Variants in POU1F1 observed in about 807,000 individuals in gnomAD.
POU1F1 encodes the protein POU class 1 homeobox 1, also known as pituitary-specific positive transcription factor 1.
In POU1F1, 23 loss-of-function variants were observed where a neutral mutation model predicts 32.3. That is an observed-to-expected ratio of 0.71 (90% confidence interval 0.51 to 1.01). The LOEUF (loss-of-function observed/expected upper bound fraction) is 1.01. POU1F1 is among the 50% of genes least tolerant of loss of function. POU1F1 has a pLI of 0.00. For missense variants in POU1F1, 323 were observed against 341.6 expected (o/e 0.95, Z 0.43); for synonymous variants, 120 against 115.6 (o/e 1.04, Z -0.25).
At position 87,265,352 on chromosome 3, in the gene POU1F1, G is replaced by A. The variant is rs1181365261; in HGVS notation, c.215-840C>T. ...GGTAAAGCATTGACTCTACTGAGTG[G>A]ATATGTTAAATCACAAAAAATGTAA... On this transcript the variant is annotated intron_variant, in intron 2 of 5. Coordinates refer to ENST00000350375, the MANE Select transcript of POU1F1 (RefSeq NM_000306.4). Among the ~76,000 whole-genome samples the A allele has an allele frequency of 3.3e-5, 5 of 152,170 alleles. 1 individual carries two copies. The East Asian group carries it at 5.8e-4, about 18-fold the overall frequency.
rs1559616614 is a variant in POU1F1, at chr3:87,267,087, TTG to T, written c.215-2577_215-2576del. On this transcript the variant is annotated intron_variant, in intron 2 of 5. Coordinates refer to ENST00000350375, the MANE Select transcript of POU1F1 (RefSeq NM_000306.4). ...ATTATGTTTATTTTATATAAAAAAT[TTG>T]TGTGTTTTTTACTTACGCATACTAA... Among the ~76,000 whole-genome samples, 4 of 152,126 alleles carry T rather than the reference TTG, an allele frequency of 2.6e-5. No individual in the cohort carries two copies. In the South Asian group the frequency reaches 8.3e-4, roughly 32 times the overall value.
intron 1 of POU1F1, among the ~76,000 whole-genome samples, chr3:87,275,443 A>ATAAT (rs1203616372): frequency 2.6e-5 from 4 of 152,100 alleles, no homozygotes; most frequent in African/African-American, 9.6e-5. Context: ...CTAAATGTAT[A>ATAAT]TAATTTCATT....
At chr3:87,275,218 G>T (rs1004692624) in intron 1 of POU1F1, among the ~76,000 whole-genome samples, 1 of 151,726 alleles carries the variant, frequency 6.6e-6, no homozygotes, top group Non-Finnish European at 1.5e-5. Context: ...GAAATCTTTG[G>T]CGGATTCCTG....
At position 87,259,557 on chromosome 3, in the gene POU1F1, A is replaced by G. The variant is rs1706464981; in HGVS notation, c.*337T>C. 3.9e-6 allele frequency: 1 copy of G among 256,532 alleles called. No homozygotes were observed. The highest frequency in any genetic ancestry group is 7.5e-6 in the Non-Finnish European group (1 of 132,694). 15.9% of individuals were successfully genotyped at this position (256,532 alleles called of 1,614,324 possible). ...TTACTGACTTACATGTTAAAAAGCT[A>G]ATATACATGTTTGGAAAAGGAACTT... On this transcript the variant is annotated 3_prime_UTR_variant, in exon 6 of 6. Coordinates refer to ENST00000350375, the MANE Select transcript of POU1F1 (RefSeq NM_000306.4).
chr3:87,271,129 T>C (rs539903868), intron 2 of POU1F1, among the ~76,000 whole-genome samples: 25 of 152,234 alleles, frequency 1.6e-4, no homozygotes, highest in African/African-American at 5.5e-4. Context: ...GGGTTTTGAA[T>C]CATTTTGAAA....
chr3:87,265,663 A>G (rs549556926), intron 2 of POU1F1, among the ~76,000 whole-genome samples: 94 of 152,198 alleles, frequency 6.2e-4, no homozygotes, highest in African/African-American at 2.2e-3. Flanking sequence ...AAAAATAACA[A>G]CACAAGAATA....
In POU1F1 at chr3:87,276,413, G is replaced by T. The variant is rs1195157369; in HGVS notation, c.50C>A (p.Ser17Tyr). The T allele has an allele frequency of 3.1e-6, 5 of 1,613,952 alleles. No individual in the cohort carries two copies. The highest frequency in any genetic ancestry group is 3.3e-5 in the Admixed American group (2 of 59,978). The change falls in exon 1 of 6, where the codon TCT (serine) becomes TAT (tyrosine). Residue 17 changes from serine to tyrosine, a missense_variant. Transcript: ENST00000350375. ...TSADTFIPLN[S>Y]DASATLPLIM... ...CAGAGGCAGAGTTGCAGAGGCGTCA[G>T]AATTCAGAGGTATAAAGGTATCAGC...
At chr3:87,264,181 G>A (rs1706568476) in intron 3 of POU1F1, 107 bp downstream of exon 3, 4 of 901,750 alleles carry the variant, frequency 4.4e-6, no homozygotes, top group South Asian at 4.2e-5. Flanking sequence ...CAGTAGAGAT[G>A]AAGAATGAGA....
At position 87,264,300 on chromosome 3, in the gene POU1F1, G is replaced by T. The variant is rs142046308; in HGVS notation, c.427C>A (p.Arg143=). ...AACAAGCACATACCTAATTTAATTC[G>T]TCTCACTTTAAATTCATTGGCAAAC... ...EKFANEFKVR[R]IKLGYTQTNV... Residue 143 remains arginine (R), a synonymous_variant, in exon 3 of 6, where the codon CGA becomes AGA. Transcript: ENST00000350375. The T allele has an allele frequency of 3.3e-5, 53 of 1,611,160 alleles. No individual in the cohort carries two copies. In the African/African-American group the frequency reaches 4.5e-4, roughly 14 times the overall value.
intron 5 of POU1F1, among the ~76,000 whole-genome samples, chr3:87,260,924 ATTTT>A (rs1267767729): frequency 3.0e-5 from 4 of 135,546 alleles, no homozygotes; most frequent in African/African-American, 8.4e-5. Context: ...TTATTTATTT[ATTTT>A]GAGACGGTGT....
intron 3 of POU1F1, among the ~76,000 whole-genome samples, chr3:87,263,350 A>G (rs1263965912): frequency 6.6e-6 from 1 of 152,156 alleles, no homozygotes; most frequent in Non-Finnish European, 1.5e-5. Context: ...CTAAAAGATT[A>G]ACAGCATATT....
chr3:87,259,746 CTTT>C lies in POU1F1; in HGVS notation c.*145_*147del. 1 of 655,336 alleles carries C rather than the reference CTTT, an allele frequency of 1.5e-6. No homozygotes were observed. Among genetic ancestry groups the C allele is most frequent in the Non-Finnish European group, 2.6e-6 (1 of 388,078 alleles). 40.6% of individuals were successfully genotyped at this position (655,336 alleles called of 1,614,324 possible). ...TCAATATAATTTAAATTGTTGGTTTCTTTTTTTTAAAAAAAAGTGGAAAAGTAA... is the reference window on the plus strand; with the variant it reads ...TCAATATAATTTAAATTGTTGGTTTCTTTTTAAAAAAAAGTGGAAAAGTAA... On this transcript the variant is annotated 3_prime_UTR_variant, in exon 6 of 6. Transcript: ENST00000350375.
rs1706808743 is a variant in POU1F1, at chr3:87,275,419, T to A, written c.142+902A>T. Reference sequence around the variant, plus strand: ...CTTCAAATCAGAATAATGTATCAACTCAAACTTTGATTTCTAAATGTATAT... The same window carrying A: ...CTTCAAATCAGAATAATGTATCAACACAAACTTTGATTTCTAAATGTATAT... On this transcript the variant is annotated intron_variant, in intron 1 of 5. Transcript: ENST00000350375. Among the ~76,000 whole-genome samples, 9 of 152,158 alleles carry A rather than the reference T, an allele frequency of 5.9e-5. No homozygotes were observed. The South Asian group carries it at 1.9e-3, about 32-fold the overall frequency.
chr3:87,266,307 A>G (rs1414627784), intron 2 of POU1F1, among the ~76,000 whole-genome samples: 3 of 146,908 alleles, frequency 2.0e-5, no homozygotes, highest in African/African-American at 7.4e-5. Context: ...AATTTAATGT[A>G]TTATTTATAT....
At chr3:87,264,253 A>G (rs756835428) in intron 3 of POU1F1, 35 bp downstream of exon 3, 3 of 1,530,086 alleles carry the variant, frequency 2.0e-6, no homozygotes, top group Non-Finnish European at 2.7e-6. Flanking sequence ...TTGCAAACCA[A>G]GTTCTTTTTC....
At chr3:87,271,003 C>A (rs1179095099) in intron 2 of POU1F1, among the ~76,000 whole-genome samples, 1 of 151,772 alleles carries the variant, frequency 6.6e-6, no homozygotes, top group Non-Finnish European at 1.5e-5. Context: ...ATTCAAATAT[C>A]TTTGTGCTTG....
intron 2 of POU1F1, among the ~76,000 whole-genome samples, chr3:87,266,450 T>C (rs1185032652): frequency 6.7e-6 from 1 of 150,092 alleles, no homozygotes; most frequent in African/African-American, 2.4e-5. Context: ...TAAAACAAAG[T>C]AAACATACAA....
At chr3:87,266,395 A>G (rs946452625) in intron 2 of POU1F1, among the ~76,000 whole-genome samples, 47 of 147,980 alleles carry the variant, frequency 3.2e-4, no homozygotes, top group Non-Finnish European at 1.6e-4. Flanking sequence ...AAAAATATGT[A>G]ATTATAAATA....
At chr3:87,267,137 TA>T (rs1437326726) in intron 2 of POU1F1, among the ~76,000 whole-genome samples, 2 of 152,174 alleles carry the variant, frequency 1.3e-5, no homozygotes, top group Non-Finnish European at 2.9e-5. Flanking sequence ...TGTTATCAAT[TA>T]TTATTATTAT....
Sources: gnomAD v4.1 joint callset for allele counts (sites outside exome capture counted in the v4.1 genomes callset) on GRCh38, gnomAD v4.1.1 for gene constraint, MANE v1.5 for transcripts, NCBI Gene and HGNC (gene_info 2026-07-23, HGNC 2026-07-21) for gene names.